The following CDH8 variants were observed in gnomAD, a reference collection of about 807,000 sequenced individuals.
CDH8 encodes cadherin 8.
Under a neutral mutation model 68.1 loss-of-function variants are expected in CDH8, and 17 were observed. The ratio of observed to expected loss-of-function variants is 0.25; its 90% CI spans 0.17 to 0.37. The LOEUF is 0.37. Among genes scored for constraint, CDH8 ranks in the 10% least tolerant of loss-of-function variants. The pLI, the probability that CDH8 is intolerant of heterozygous loss-of-function variation, is 1.00. For synonymous variants in CDH8, 372 were observed against 365.1 expected (o/e 1.02, Z -0.21); for missense variants, 763 against 999.3 (o/e 0.76, Z 3.19).
chr16:61,810,159 C>T (rs1259063110), intron 7 of CDH8, among the ~76,000 whole-genome samples: 1 of 152,146 alleles, frequency 6.6e-6, no homozygotes, highest in African/African-American at 2.4e-5. Context: ...AGTTATGAAT[C>T]AGTTATTATA....
chr16:61,813,894 T>C (rs1251516278), intron 7 of CDH8, among the ~76,000 whole-genome samples: 2 of 152,152 alleles, frequency 1.3e-5, no homozygotes, highest in Non-Finnish European at 2.9e-5. Flanking sequence ...TCCGTAGCAG[T>C]AGCAGGAGAA....
At chr16:61,811,927 A>T (rs1250682376) in intron 7 of CDH8, among the ~76,000 whole-genome samples, 1 of 152,224 alleles carries the variant, frequency 6.6e-6, no homozygotes, top group East Asian at 1.9e-4. Flanking sequence ...ATCAACAGGC[A>T]TAAAGTTTTA....
chr16:61,948,384 G>C (rs1360154901), intron 2 of CDH8, among the ~76,000 whole-genome samples: 1 of 152,084 alleles, frequency 6.6e-6, no homozygotes, highest in African/African-American at 2.4e-5. Context: ...CCCAATAGTA[G>C]ACACACTACT....
chr16:61,999,625 TA>T, intron 2 of CDH8, among the ~76,000 whole-genome samples: 1 of 152,216 alleles, frequency 6.6e-6, no homozygotes, highest in East Asian at 1.9e-4. Flanking sequence ...TTAAATGAGA[TA>T]ATGGGTGTAA....
chr16:61,975,725 G>T (rs1254826271), intron 2 of CDH8, among the ~76,000 whole-genome samples: 1 of 152,106 alleles, frequency 6.6e-6, no homozygotes, highest in African/African-American at 2.4e-5. Context: ...AGAAAAGATA[G>T]ATCTGATCCT....
intron 8 of CDH8, among the ~76,000 whole-genome samples, chr16:61,742,553 A>G (rs961892616): frequency 2.0e-4 from 31 of 152,150 alleles, no homozygotes; most frequent in African/African-American, 5.5e-4. Context: ...TATTATGAAA[A>G]AGAAATGCAT....
intron 4 of CDH8, among the ~76,000 whole-genome samples, chr16:61,832,331 AATAGATAGATAGATAG>A (rs35346881): frequency 4.3e-4 from 61 of 143,190 alleles, no homozygotes; most frequent in African/African-American, 1.1e-3. Context: ...ACAGATAGAT[AATAGATAGATAGATAG>A]ATAGATAGAT....
chr16:61,915,619 TG>T lies in CDH8; in HGVS notation c.253-14147del, dbSNP rs979859142. ...TCACAAAACTAGGTGTTTAGTGTTT[TG>T]TTTTTAAAGATACATTTTATATATT... On this transcript the variant is annotated intron_variant, in intron 2 of 11. Transcript: ENST00000577390. 7.9e-4 allele frequency among the ~76,000 whole-genome samples: 121 copies of T among 152,328 alleles called. 1 individual carries two copies. Among genetic ancestry groups the T allele is most frequent in the African/African-American group, 2.7e-3 (112 of 41,578 alleles).
intron 2 of CDH8, among the ~76,000 whole-genome samples, chr16:61,969,004 A>C (rs539945650): frequency 6.6e-6 from 1 of 152,350 alleles, no homozygotes; most frequent in African/African-American, 2.4e-5. Flanking sequence ...TCAGAGTCCA[A>C]GATTCTTGAG....
intron 8 of CDH8, among the ~76,000 whole-genome samples, chr16:61,777,897 C>T (rs1960941387): frequency 6.6e-6 from 1 of 152,120 alleles, no homozygotes; most frequent in Non-Finnish European, 1.5e-5. Context: ...GAATCTGTAG[C>T]TTCCCTTTAA....
rs552850092 is a variant in CDH8 at position 61,662,457 on chromosome 16, A to C, written c.1655-6736T>G. Among the ~76,000 whole-genome samples the C allele has an allele frequency of 2.7e-3, 415 of 151,916 alleles. 3 individuals carry two copies. The highest frequency in any genetic ancestry group is 4.2e-3 in the Non-Finnish European group (288 of 67,814). Reference sequence around the variant, plus strand: ...ATATGAAAAAAGAGAGGAAATGATCACTGAATCCATAGTTACATACTACAT... The same window carrying C: ...ATATGAAAAAAGAGAGGAAATGATCCCTGAATCCATAGTTACATACTACAT... On this transcript the variant is annotated intron_variant, in intron 10 of 11. Transcript: ENST00000577390.
At chr16:61,784,859 G>C (rs1278110341) in intron 8 of CDH8, among the ~76,000 whole-genome samples, 4 of 152,100 alleles carry the variant, frequency 2.6e-5, no homozygotes, top group Admixed American at 6.5e-5. Flanking sequence ...ATGAAATAAA[G>C]GCAGAAATAA....
chr16:61,677,847 G>A (rs1284376548), intron 10 of CDH8, among the ~76,000 whole-genome samples: 1 of 152,096 alleles, frequency 6.6e-6, no homozygotes, highest in African/African-American at 2.4e-5. Flanking sequence ...GCCATGATGG[G>A]AAGGAAGGGT....
chr16:61,979,170 TACTG>T (rs1965490503), intron 2 of CDH8, among the ~76,000 whole-genome samples: 1 of 152,098 alleles, frequency 6.6e-6, no homozygotes, highest in Admixed American at 6.6e-5. Flanking sequence ...AAATTTTGGC[TACTG>T]ACAATGCACA....
At chr16:61,882,617 A>G (rs1339313828) in intron 3 of CDH8, among the ~76,000 whole-genome samples, 1 of 152,212 alleles carries the variant, frequency 6.6e-6, no homozygotes, top group African/African-American at 2.4e-5. Flanking sequence ...AAACAAATGT[A>G]AGAACAGTAA....
At chr16:61,898,630 T>G (rs1346021313) in intron 3 of CDH8, among the ~76,000 whole-genome samples, 1 of 152,148 alleles carries the variant, frequency 6.6e-6, no homozygotes, top group African/African-American at 2.4e-5. Context: ...ATTTGGAAAA[T>G]TACTGAGATC....
intron 10 of CDH8, among the ~76,000 whole-genome samples, chr16:61,701,810 G>A (rs1031205277): frequency 6.6e-6 from 1 of 152,116 alleles, no homozygotes; most frequent in Non-Finnish European, 1.5e-5. Context: ...TCCACGAAAG[G>A]TTACTTTGGG....
intron 10 of CDH8, among the ~76,000 whole-genome samples, chr16:61,694,850 C>T (rs771279123): frequency 4.6e-5 from 7 of 151,590 alleles, no homozygotes; most frequent in African/African-American, 7.3e-5. Context: ...GGTGTGATCT[C>T]GGCTCACTGC....
intron 2 of CDH8, among the ~76,000 whole-genome samples, chr16:61,992,766 C>T (rs911811715): frequency 1.3e-5 from 2 of 152,012 alleles, no homozygotes; most frequent in East Asian, 1.9e-4. Context: ...CTCCTGGTGT[C>T]GAACACGGAC....
Sources: allele counts gnomAD v4.1 joint callset (sites outside exome capture counted in the v4.1 genomes callset), GRCh38; gene constraint gnomAD v4.1.1; transcripts MANE v1.5; gene names NCBI Gene and HGNC (gene_info 2026-07-23, HGNC 2026-07-21).